ARID5B: variants seen among roughly 807,000 people sequenced by gnomAD.
ARID5B encodes the protein AT-rich interaction domain 5B.
In ARID5B, 13 loss-of-function variants were observed where a neutral mutation model predicts 97.2. The ratio of observed to expected loss-of-function variants is 0.13; its 90% CI spans 0.09 to 0.21. ARID5B has a LOEUF of 0.21. Ranked by LOEUF, ARID5B falls within the 10% of genes least tolerant of loss-of-function variation. The pLI, the probability that ARID5B is intolerant of heterozygous loss-of-function variation, is 1.00. For missense variants in ARID5B, 1,210 were observed against 1,465.3 expected, an observed-to-expected ratio of 0.83 and a Z score of 2.84; for synonymous variants, 556 against 570.3, an observed-to-expected ratio of 0.97 and a Z score of 0.36.
At chr10:61,984,802 G>A (rs960109179) in intron 3 of ARID5B, among the ~76,000 whole-genome samples, 1 of 152,070 alleles carries the variant, frequency 6.6e-6, no homozygotes, top group Non-Finnish European at 1.5e-5. Flanking sequence ...GTCCTCACTG[G>A]TTCATACCAG....
chr10:61,987,027 G>C (rs1395861939), intron 3 of ARID5B, among the ~76,000 whole-genome samples: 1 of 152,226 alleles, frequency 6.6e-6, no homozygotes, highest in African/African-American at 2.4e-5. Context: ...GCAAGAGGAA[G>C]ACATAGTGCT....
At chr10:61,975,119 A>C (rs1438811954) in intron 3 of ARID5B, among the ~76,000 whole-genome samples, 1 of 152,198 alleles carries the variant, frequency 6.6e-6, no homozygotes, top group Non-Finnish European at 1.5e-5. Flanking sequence ...TCTATAAATA[A>C]AGAATTCAAA....
At position 61,940,221 on chromosome 10, in the gene ARID5B, G is replaced by T; in HGVS notation, c.315G>T (p.Lys105Asn). ...VIAVSEKVIVKLEDLVKWVHS... is the reference protein window; with the variant it reads ...VIAVSEKVIVNLEDLVKWVHS... ...CTGTTTCCGAAAAGGTGATTGTGAA[G>T]CTTGAAGACCTGGTCAAGTGGGTAC... The change falls in exon 3 of 10, where the codon AAG (lysine) becomes AAT (asparagine). Residue 105 changes from lysine (K) to asparagine (N), a missense_variant. Coordinates refer to ENST00000279873, the MANE Select transcript of ARID5B (RefSeq NM_032199.3). 6.2e-7 allele frequency: 1 copy of T among 1,614,208 alleles called. No individual in the cohort carries two copies. Among genetic ancestry groups the T allele is most frequent in the East Asian group, 2.2e-5 (1 of 44,886 alleles).
chr10:61,901,706 C>G lies in ARID5B; in HGVS notation c.-4C>G. ...GTTGAGTTCAATCAATTCAGAACGT[C>G]GAGATGGAGCCCAACTCACTCCAGG... On this transcript the variant is annotated 5_prime_UTR_variant, in exon 1 of 10. Coordinates refer to ENST00000279873, the MANE Select transcript of ARID5B (RefSeq NM_032199.3). 6.2e-7 allele frequency: 1 copy of G among 1,613,992 alleles called. No individual in the cohort carries two copies. The highest frequency in any genetic ancestry group is 8.5e-7 in the Non-Finnish European group (1 of 1,179,970).
chr10:62,041,910 G>A (rs1182242839), intron 4 of ARID5B, among the ~76,000 whole-genome samples: 2 of 152,216 alleles, frequency 1.3e-5, no homozygotes, highest in Admixed American at 1.3e-4. Flanking sequence ...GTGCTGTCAT[G>A]TTCAATAGTA....
At chr10:62,074,036 A>T (rs1840097432) in intron 8 of ARID5B, among the ~76,000 whole-genome samples, 1 of 152,242 alleles carries the variant, frequency 6.6e-6, no homozygotes, top group Non-Finnish European at 1.5e-5. Context: ...TTGTTTTCAC[A>T]TGCAGATTTC....
At chr10:62,037,965 G>A (rs1389802841) in intron 4 of ARID5B, among the ~76,000 whole-genome samples, 1 of 152,184 alleles carries the variant, frequency 6.6e-6, no homozygotes, top group Non-Finnish European at 1.5e-5. Flanking sequence ...TTTCTGTAAT[G>A]CTGGTTGGAG....
intron 7 of ARID5B, 140 bp from the exon 8 acceptor site, chr10:62,069,560 C>T: frequency 1.4e-6 from 1 of 694,602 alleles, no homozygotes; most frequent in Non-Finnish European, 2.5e-6. Context: ...CCATAAATCA[C>T]CCCATATACT....
chr10:62,016,773 C>G (rs1839289766), intron 4 of ARID5B, among the ~76,000 whole-genome samples: 1 of 152,128 alleles, frequency 6.6e-6, no homozygotes, highest in African/African-American at 2.4e-5. Context: ...ATTTTCAACT[C>G]CTGTTAGTAT....
chr10:61,948,380 AT>A (rs71470784), intron 3 of ARID5B, among the ~76,000 whole-genome samples: 182 of 86,184 alleles, frequency 2.1e-3, no homozygotes, highest in East Asian at 6.1e-3. Context: ...ACTTTAGGTA[AT>A]TTTTTTTTTT....
At chr10:62,026,901 A>C (rs1839427647) in intron 4 of ARID5B, among the ~76,000 whole-genome samples, 1 of 152,244 alleles carries the variant, frequency 6.6e-6, no homozygotes, top group Non-Finnish European at 1.5e-5. Context: ...AAAATGAATA[A>C]ATGAAGAGTC....
At position 62,095,588 on chromosome 10, in the gene ARID5B, C is replaced by T. The variant is rs1333652684; in HGVS notation, c.*2558C>T. 2.1e-5 allele frequency: 5 copies of T among 233,314 alleles called. No individual in the cohort carries two copies. The highest frequency in any genetic ancestry group is 1.8e-4 in the South Asian group (1 of 5,514). 14.5% of individuals were successfully genotyped at this position (233,314 alleles called of 1,614,324 possible). On this transcript the variant is annotated 3_prime_UTR_variant, in exon 10 of 10. Coordinates refer to ENST00000279873, the MANE Select transcript of ARID5B (RefSeq NM_032199.3). Reference sequence around the variant, plus strand: ...TTCTGTCTGAGGAAGCTCATACCCTCGGCAAAACATCAGGACAAATAAAGA... The same window carrying T: ...TTCTGTCTGAGGAAGCTCATACCCTTGGCAAAACATCAGGACAAATAAAGA...
intron 4 of ARID5B, among the ~76,000 whole-genome samples, chr10:62,024,312 G>A (rs1438205182): frequency 4.0e-5 from 6 of 148,906 alleles, no homozygotes; most frequent in Non-Finnish European, 8.8e-5. Context: ...TAGAACTTAA[G>A]AGACTCCTAA....
chr10:61,975,474 A>G (rs913947519), intron 3 of ARID5B, among the ~76,000 whole-genome samples: 4 of 152,100 alleles, frequency 2.6e-5, no homozygotes, highest in African/African-American at 9.7e-5. Flanking sequence ...TGGAGTTAGA[A>G]AGCCTGAGGC....
In ARID5B at chr10:61,981,479, G is replaced by A. The variant is rs142229959; in HGVS notation, c.503-18612G>A. Among the ~76,000 whole-genome samples, 724 of 152,142 alleles carry A rather than the reference G, an allele frequency of 4.8e-3. 7 individuals are homozygous for A. Among genetic ancestry groups the A allele is most frequent in the African/African-American group, 0.017 (692 of 41,502 alleles). On this transcript the variant is annotated intron_variant, in intron 3 of 9. Coordinates refer to ENST00000279873, the MANE Select transcript of ARID5B (RefSeq NM_032199.3). ...ATATTTTTAATAGAGACAGGGTTTT[G>A]CTATGTTGGCCAGGCTGGTCTCAAA...
At chr10:61,913,908 T>G (rs1241451988) in intron 2 of ARID5B, among the ~76,000 whole-genome samples, 1 of 152,144 alleles carries the variant, frequency 6.6e-6, no homozygotes, top group Non-Finnish European at 1.5e-5. Flanking sequence ...TGCACCACCA[T>G]GTCCGGCTAA....
At chr10:61,906,273 A>G (rs1018401618) in intron 2 of ARID5B, among the ~76,000 whole-genome samples, 3 of 152,236 alleles carry the variant, frequency 2.0e-5, no homozygotes, top group African/African-American at 7.2e-5. Flanking sequence ...AAATGATACC[A>G]TCTTAAATTA....
chr10:62,065,784 T>G (rs1408878875), intron 7 of ARID5B, among the ~76,000 whole-genome samples: 1 of 147,222 alleles, frequency 6.8e-6, no homozygotes, highest in Non-Finnish European at 1.5e-5. Context: ...AGGCGGAGCT[T>G]GTAGTGAGCC....
chr10:61,981,987 G>T (rs1323887613), intron 3 of ARID5B, among the ~76,000 whole-genome samples: 1 of 152,150 alleles, frequency 6.6e-6, no homozygotes, highest in African/African-American at 2.4e-5. Context: ...AAGACAAATG[G>T]CATTTTAAGC....
Sources: allele counts gnomAD v4.1 joint callset (sites outside exome capture counted in the v4.1 genomes callset), GRCh38; gene constraint gnomAD v4.1.1; transcripts MANE v1.5; gene names NCBI Gene and HGNC (gene_info 2026-07-23, HGNC 2026-07-21).